TLN2: variants seen among roughly 807,000 people sequenced by gnomAD.
TLN2 encodes talin 2.
A neutral mutation model predicts 294.7 loss-of-function variants in TLN2; 118 were observed. The observed-to-expected ratio is 0.40, with a 90% CI of 0.34 to 0.47. The LOEUF is 0.47. Among genes scored for constraint, TLN2 ranks in the 20% least tolerant of loss-of-function variants. The pLI is 0.84. For missense variants in TLN2, 3,083 were observed against 3,282.2 expected (o/e 0.94, Z 1.48); for synonymous variants, 1,431 against 1,304.5 (o/e 1.10, Z -2.09).
intron 1 of TLN2, among the ~76,000 whole-genome samples, chr15:62,404,561 TTAAATTAAATC>T (rs2033262095): frequency 6.6e-6 from 1 of 152,188 alleles, no homozygotes; most frequent in African/African-American, 2.4e-5. Flanking sequence ...CGTCCTGTGT[TTAAATTAAATC>T]TCCTCTTCTT....
At position 62,653,404 on chromosome 15, in the gene TLN2, C is replaced by G. The variant is rs1048093570; in HGVS notation, c.517+90C>G. On this transcript the variant is annotated intron_variant, in intron 7 of 58. Coordinates refer to ENST00000636159, the MANE Select transcript of TLN2 (RefSeq NM_015059.3). The stretch of plus-strand genomic sequence containing the variant: ...ACCATCCATATGACCCAGGACAGGA[C>G]TTTTGATTTTTGTTTTTAAAACTCT... The G allele has an allele frequency of 4.4e-5, 62 of 1,409,058 alleles. No homozygotes were observed. In the Middle Eastern group the frequency reaches 7.5e-4, roughly 17 times the overall value. The allele number at this position is 1,409,058 out of a possible 1,614,324, so 87.3% of individuals were successfully genotyped here.
At chr15:62,631,486 TC>T (rs1482828322) in intron 3 of TLN2, among the ~76,000 whole-genome samples, 2 of 151,344 alleles carry the variant, frequency 1.3e-5, no homozygotes, top group African/African-American at 4.9e-5. Context: ...CTCTTTTCTT[TC>T]TTTCTTTCTT....
intron 50 of TLN2, among the ~76,000 whole-genome samples, chr15:62,805,222 A>G (rs1031107457): frequency 9.7e-5 from 2 of 20,640 alleles, no homozygotes; most frequent in African/African-American, 2.6e-4. Flanking sequence ...ACTGGGACTG[A>G]GAGTGTATGG....
chr15:62,402,728 G>GT (rs1456265024), intron 1 of TLN2, among the ~76,000 whole-genome samples: 1 of 152,158 alleles, frequency 6.6e-6, no homozygotes, highest in East Asian at 1.9e-4. Context: ...CTCAGCTGAT[G>GT]ACCTGGCTTA....
intron 50 of TLN2, among the ~76,000 whole-genome samples, chr15:62,802,002 A>G (rs1251215735): frequency 6.6e-6 from 1 of 152,160 alleles, no homozygotes; most frequent in East Asian, 1.9e-4. Flanking sequence ...GTACAATTAA[A>G]TTATTTTTTA....
intron 14 of TLN2, among the ~76,000 whole-genome samples, chr15:62,694,837 G>A (rs2058211797): frequency 6.6e-6 from 1 of 152,212 alleles, no homozygotes; most frequent in Admixed American, 6.5e-5. Flanking sequence ...CTCGAGTGCT[G>A]TGAGGTAGCA....
intron 11 of TLN2, among the ~76,000 whole-genome samples, chr15:62,685,930 T>C (rs2057251772): frequency 6.6e-6 from 1 of 152,222 alleles, no homozygotes; most frequent in African/African-American, 2.4e-5. Context: ...TGTTGGTGTT[T>C]TTCTTAGGAA....
chr15:62,712,354 C>G (rs2414778), intron 22 of TLN2, among the ~76,000 whole-genome samples: 139,785 of 152,244 alleles, frequency 0.92, 65,253 homozygotes, highest in Non-Finnish European at 1. Context: ...TGGCTTCATT[C>G]AATGTGGTGA....
At chr15:62,642,440 A>C (rs2051229369) in intron 3 of TLN2, among the ~76,000 whole-genome samples, 1 of 152,210 alleles carries the variant, frequency 6.6e-6, no homozygotes, top group Non-Finnish European at 1.5e-5. Flanking sequence ...AAAAGCCCGG[A>C]GAGGGGTTCG....
Position 62,712,214 on chromosome 15 carries a change from A to G in TLN2, c.2634+137A>G. ...AAACCTATATGGCTTGTAACATCTAACCCTGTTCTTGTGGCAAAGGCGGTA... is the reference window on the plus strand; with the variant it reads ...AAACCTATATGGCTTGTAACATCTAGCCCTGTTCTTGTGGCAAAGGCGGTA... On this transcript the variant is annotated intron_variant, in intron 22 of 58. Transcript: ENST00000636159. 3 of 1,062,542 alleles carry G rather than the reference A, an allele frequency of 2.8e-6. No homozygotes were observed. The South Asian group carries it at 5.8e-5, about 21-fold the overall frequency. The allele number at this position is 1,062,542 out of a possible 1,614,324, so 65.8% of individuals were successfully genotyped here.
At chr15:62,776,697 G>T in intron 42 of TLN2, 67 bp from the exon 43 acceptor site, 1 of 1,327,668 alleles carries the variant, frequency 7.5e-7, no homozygotes, top group Non-Finnish European at 9.7e-7. Flanking sequence ...ACTTTTGAAG[G>T]TTATTCTTAG....
At chr15:62,546,096 A>C (rs1303335691) in intron 1 of TLN2, among the ~76,000 whole-genome samples, 1 of 152,166 alleles carries the variant, frequency 6.6e-6, no homozygotes, top group African/African-American at 2.4e-5. Context: ...GGGAAGAGCA[A>C]GTCCTCTGCT....
At chr15:62,679,469 G>A (rs998714511) in intron 11 of TLN2, among the ~76,000 whole-genome samples, 3 of 152,126 alleles carry the variant, frequency 2.0e-5, no homozygotes, top group Non-Finnish European at 4.4e-5. Context: ...GCTACAACAC[G>A]GATAAACTTT....
At chr15:62,582,246 A>ACACACACACACACACACACACACACACCC (rs764248336) in intron 1 of TLN2, among the ~76,000 whole-genome samples, 2 of 137,234 alleles carry the variant, frequency 1.5e-5, no homozygotes, top group Non-Finnish European at 3.2e-5. Context: ...ACACACACAC[A>ACACACACACACACACACACACACACACCC]CATTCATGCC....
At chr15:62,667,172 T>C (rs1013210054) in intron 9 of TLN2, among the ~76,000 whole-genome samples, 19 of 152,070 alleles carry the variant, frequency 1.2e-4, no homozygotes, top group South Asian at 2.1e-4. Flanking sequence ...TTCACCATGT[T>C]AGCCAGGATG....
intron 1 of TLN2, among the ~76,000 whole-genome samples, chr15:62,522,220 G>A (rs1270547556): frequency 2.0e-5 from 3 of 152,160 alleles, no homozygotes; most frequent in Non-Finnish European, 4.4e-5. Context: ...CTCAAGGATC[G>A]AAGAAAGCAG....
At chr15:62,441,214 G>C (rs1223724143) in intron 1 of TLN2, among the ~76,000 whole-genome samples, 1 of 152,152 alleles carries the variant, frequency 6.6e-6, no homozygotes, top group East Asian at 1.9e-4. Context: ...CCAAGGCCCT[G>C]TGCTCATTTG....
chr15:62,603,817 A>T (rs75989286), intron 2 of TLN2, among the ~76,000 whole-genome samples: 2,221 of 152,312 alleles, frequency 0.015, 62 homozygotes, highest in African/African-American at 0.051. Flanking sequence ...GTTTATAGGA[A>T]GGTCTGTTAG....
chr15:62,414,540 T>C lies in TLN2; in HGVS notation c.-238+23855T>C, dbSNP rs1381125771. On this transcript the variant is annotated intron_variant, in intron 1 of 58. Coordinates refer to ENST00000636159, the MANE Select transcript of TLN2 (RefSeq NM_015059.3). ...AACTACTGAACCATACGCTCTGGGC[T>C]GGGGCTCAGGAACCGTTGTTTTAAC... 1.4e-5 allele frequency among the ~76,000 whole-genome samples: 2 copies of C among 140,410 alleles called. 1 individual carries two copies. Among genetic ancestry groups the C allele is most frequent in the Non-Finnish European group, 3.0e-5 (2 of 65,804 alleles). 92.1% of individuals were successfully genotyped at this position (140,410 alleles called of 152,430 possible).
Sources: gnomAD v4.1 joint callset for allele counts (sites outside exome capture counted in the v4.1 genomes callset) on GRCh38, gnomAD v4.1.1 for gene constraint, MANE v1.5 for transcripts, NCBI Gene and HGNC (gene_info 2026-07-23, HGNC 2026-07-21) for gene names.